EXOC6B: variants seen among roughly 807,000 people sequenced by gnomAD.
EXOC6B encodes the protein SEC15 homolog B.
In EXOC6B, 54 loss-of-function variants were observed where a neutral mutation model predicts 113.5. That is an observed-to-expected ratio of 0.48 (90% CI 0.38 to 0.60). The LOEUF (loss-of-function observed/expected upper bound fraction) is 0.60. EXOC6B is among the 20% of genes least tolerant of loss of function. The pLI is 0.00. For missense variants in EXOC6B, 797 were observed against 977.5 expected (o/e 0.82, Z 2.46); for synonymous variants, 357 against 339.0 (o/e 1.05, Z -0.58).
chr2:72,730,276 T>C (rs935504939), intron 5 of EXOC6B, among the ~76,000 whole-genome samples: 13 of 152,176 alleles, frequency 8.5e-5, no homozygotes, highest in African/African-American at 3.1e-4. Context: ...TGTGATGGTA[T>C]TTTTTAGATG....
chr2:72,537,148 A>G (rs1702339957), intron 8 of EXOC6B, among the ~76,000 whole-genome samples: 1 of 152,142 alleles, frequency 6.6e-6, no homozygotes, highest in Non-Finnish European at 1.5e-5. Flanking sequence ...GACTTTGGAA[A>G]TAATGTACAT....
At chr2:72,811,604 G>A (rs1685929489) in intron 1 of EXOC6B, among the ~76,000 whole-genome samples, 1 of 151,838 alleles carries the variant, frequency 6.6e-6, no homozygotes, top group African/African-American at 2.4e-5. Context: ...CCAGACATAA[G>A]ACAATAAAAA....
chr2:72,520,214 C>T (rs372207159), intron 8 of EXOC6B, among the ~76,000 whole-genome samples: 6 of 152,242 alleles, frequency 3.9e-5, no homozygotes, highest in Non-Finnish European at 4.4e-5. Context: ...AACTGGTATG[C>T]AATTTTCAAT....
At chr2:72,237,776 T>C (rs372200852) in intron 20 of EXOC6B, among the ~76,000 whole-genome samples, 3 of 152,244 alleles carry the variant, frequency 2.0e-5, no homozygotes, top group East Asian at 3.9e-4. Context: ...AACTGAGTGA[T>C]CCTTGGAGGC....
chr2:72,355,201 A>G (rs552877020), intron 19 of EXOC6B, among the ~76,000 whole-genome samples: 3 of 152,362 alleles, frequency 2.0e-5, no homozygotes, highest in South Asian at 4.1e-4. Context: ...GCTATTGATT[A>G]CTGTATGCAT....
chr2:72,736,383 T>C (rs1680966215), intron 2 of EXOC6B, among the ~76,000 whole-genome samples: 1 of 152,172 alleles, frequency 6.6e-6, no homozygotes, highest in Non-Finnish European at 1.5e-5. Flanking sequence ...CTTTTTACAT[T>C]GTCTAAACTA....
intron 8 of EXOC6B, among the ~76,000 whole-genome samples, chr2:72,552,408 A>G (rs993704524): frequency 3.3e-5 from 5 of 151,584 alleles, no homozygotes; most frequent in African/African-American, 1.2e-4. Context: ...CAAAGGAAAA[A>G]TGCATATTAT....
chr2:72,234,174 T>TC (rs1457496435), intron 20 of EXOC6B, among the ~76,000 whole-genome samples: 1 of 149,022 alleles, frequency 6.7e-6, no homozygotes, highest in Non-Finnish European at 1.5e-5. Context: ...GCAACCTCCG[T>TC]CCCCCCGGTT....
chr2:72,512,409 AAGGAAGGAAGGAAGGAAAGAAG>A (rs1313661948), intron 11 of EXOC6B, among the ~76,000 whole-genome samples: 6 of 124,148 alleles, frequency 4.8e-5, no homozygotes, highest in African/African-American at 1.5e-4. Context: ...GGAAGGAAGG[AAGGAAGGAAGGAAGGAAAGAAG>A]GAAGGAAGGA....
chr2:72,469,658 C>T (rs1410712509), intron 17 of EXOC6B, among the ~76,000 whole-genome samples: 1 of 151,800 alleles, frequency 6.6e-6, no homozygotes, highest in Admixed American at 6.6e-5. Flanking sequence ...AGTATAATTC[C>T]TATTTAAAGG....
chr2:72,529,487 G>T (rs1701891228), intron 8 of EXOC6B, among the ~76,000 whole-genome samples: 1 of 152,128 alleles, frequency 6.6e-6, no homozygotes, highest in Non-Finnish European at 1.5e-5. Flanking sequence ...AAATGAATTG[G>T]AAAGTGTACC....
chr2:72,469,155 C>T (rs893857535), intron 17 of EXOC6B, among the ~76,000 whole-genome samples: 3 of 152,014 alleles, frequency 2.0e-5, no homozygotes, highest in African/African-American at 7.2e-5. Context: ...TCTGTGGGTA[C>T]TTAAAAATGC....
chr2:72,314,675 T>C (rs1323704001), intron 20 of EXOC6B, among the ~76,000 whole-genome samples: 1 of 152,226 alleles, frequency 6.6e-6, no homozygotes, highest in African/African-American at 2.4e-5. Flanking sequence ...ATGGAGTTTA[T>C]ATCCGATATG....
intron 1 of EXOC6B, among the ~76,000 whole-genome samples, chr2:72,744,676 G>C (rs986859230): frequency 6.6e-6 from 1 of 152,128 alleles, no homozygotes; most frequent in Non-Finnish European, 1.5e-5. Flanking sequence ...ACCCTGACTT[G>C]ACTCAATATA....
intron 6 of EXOC6B, among the ~76,000 whole-genome samples, chr2:72,585,835 A>C (rs1460759582): frequency 6.6e-6 from 1 of 152,164 alleles, no homozygotes; most frequent in Non-Finnish European, 1.5e-5. Context: ...AAAGCCCTGG[A>C]CTAGATGTAT....
chr2:72,376,900 A>ATT (rs545429789), intron 19 of EXOC6B, among the ~76,000 whole-genome samples: 63 of 146,484 alleles, frequency 4.3e-4, no homozygotes, highest in Non-Finnish European at 6.0e-4. Flanking sequence ...GTTAGAAGGC[A>ATT]TTTTTTTTTT....
chr2:72,267,822 T>A (rs1372906706), intron 20 of EXOC6B, among the ~76,000 whole-genome samples: 3 of 152,138 alleles, frequency 2.0e-5, no homozygotes, highest in Non-Finnish European at 4.4e-5. Flanking sequence ...TTCTAAGAAA[T>A]TTCACTTGGG....
intron 18 of EXOC6B, among the ~76,000 whole-genome samples, chr2:72,413,688 GA>G (rs779663149): frequency 1.9e-3 from 201 of 108,126 alleles, no homozygotes; most frequent in Middle Eastern, 4.7e-3. Flanking sequence ...CCTCAAAAAA[GA>G]AAAAAAAAAA....
chr2:72,639,143 G>A (rs370343432), intron 6 of EXOC6B, among the ~76,000 whole-genome samples: 21 of 152,248 alleles, frequency 1.4e-4, no homozygotes, highest in African/African-American at 3.1e-4. Flanking sequence ...CTGCACAGGC[G>A]GGTTTTGCTT....
Sources: gnomAD v4.1 joint callset for allele counts (sites outside exome capture counted in the v4.1 genomes callset) on GRCh38, gnomAD v4.1.1 for gene constraint, MANE v1.5 for transcripts, NCBI Gene and HGNC (gene_info 2026-07-23, HGNC 2026-07-21) for gene names.